RASAL2: variants seen among roughly 807,000 people sequenced by gnomAD.
RASAL2 encodes the protein ras GTPase-activating protein nGAP.
RASAL2 carries 58 observed loss-of-function variants against 128.9 expected under a neutral mutation model. The ratio of observed to expected loss-of-function variants is 0.45; its 90% confidence interval spans 0.36 to 0.56. RASAL2 has a LOEUF of 0.56. RASAL2 is among the 20% of genes least tolerant of loss of function. The pLI is 0.00. For synonymous variants in RASAL2, 561 were observed against 580.8 expected (o/e 0.97, Z 0.49); for missense variants, 1,360 against 1,601.6 (o/e 0.85, Z 2.57).
chr1:178,351,081 A>G (rs1571907889), intron 3 of RASAL2, among the ~76,000 whole-genome samples: 1 of 152,138 alleles, frequency 6.6e-6, no homozygotes, highest in African/African-American at 2.4e-5. Flanking sequence ...TTAAACAACC[A>G]GATCTCATGA....
chr1:178,136,758 A>G (rs1206674965), intron 1 of RASAL2, among the ~76,000 whole-genome samples: 2 of 15,038 alleles, frequency 1.3e-4, no homozygotes, highest in South Asian at 1.6e-3. Flanking sequence ...CTCTGTCTCA[A>G]AAAAAAAAAA....
rs560861631 is a variant in RASAL2, at chr1:178,272,180, A to G, written c.203-11384A>G. 1.1e-3 allele frequency among the ~76,000 whole-genome samples: 166 copies of G among 152,282 alleles called. 1 individual carries two copies. Among genetic ancestry groups the G allele is most frequent in the African/African-American group, 3.7e-3 (155 of 41,554 alleles). On this transcript the variant is annotated intron_variant, in intron 1 of 17. Coordinates refer to ENST00000367649, the MANE Select transcript of RASAL2 (RefSeq NM_170692.4). ...TCCAGTCACTAGATCCGTCTTGTTC[A>G]TTGTTATATCCCGAGGCTTGAGTAC...
At chr1:178,095,655 C>G (rs984250988) in intron 1 of RASAL2, among the ~76,000 whole-genome samples, 1 of 152,140 alleles carries the variant, frequency 6.6e-6, no homozygotes, top group Non-Finnish European at 1.5e-5. Flanking sequence ...ATGTTTTTTT[C>G]TTTCATCTTT....
intron 3 of RASAL2, 80 bp from the exon 4 acceptor site, chr1:178,390,020 A>C (rs957775350): frequency 1.2e-6 from 1 of 858,608 alleles, no homozygotes; most frequent in South Asian, 1.7e-5. Context: ...TATTGTGAAA[A>C]ACCAGTAACT....
chr1:178,104,202 G>C (rs962580458), intron 1 of RASAL2, among the ~76,000 whole-genome samples: 18 of 152,068 alleles, frequency 1.2e-4, no homozygotes, highest in African/African-American at 2.7e-4. Flanking sequence ...TGGCTTTCCA[G>C]TTGTCCTACC....
intron 17 of RASAL2, 137 bp from the exon 18 acceptor site, chr1:178,472,938 G>A (rs1261685487): frequency 3.1e-6 from 3 of 968,020 alleles, no homozygotes; most frequent in Non-Finnish European, 4.6e-6. Context: ...TGCAGAAAGA[G>A]GCAGAGACGT....
intron 4 of RASAL2, among the ~76,000 whole-genome samples, chr1:178,390,442 C>T (rs1188128324): frequency 2.6e-5 from 4 of 152,104 alleles, no homozygotes; most frequent in South Asian, 2.1e-4. Context: ...TGCAGTGGCG[C>T]GATAACACTC....
At chr1:178,348,041 C>T (rs918040369) in intron 3 of RASAL2, among the ~76,000 whole-genome samples, 1 of 152,154 alleles carries the variant, frequency 6.6e-6, no homozygotes, top group South Asian at 2.1e-4. Context: ...CATGAAAAGT[C>T]TCAAAAGAAT....
At chr1:178,355,377 G>A (rs1000613658) in intron 3 of RASAL2, among the ~76,000 whole-genome samples, 26 of 152,072 alleles carry the variant, frequency 1.7e-4, no homozygotes, top group African/African-American at 6.3e-4. Flanking sequence ...AGAGTGGTGG[G>A]GAAATTAAGA....
chr1:178,269,929 A>G (rs1481922770), intron 1 of RASAL2, among the ~76,000 whole-genome samples: 2 of 152,162 alleles, frequency 1.3e-5, no homozygotes, highest in Non-Finnish European at 2.9e-5. Flanking sequence ...CTTTCCTGTA[A>G]CACTCCAGTA....
At position 178,291,080 on chromosome 1, in the gene RASAL2, G is replaced by A. The variant is rs751748695; in HGVS notation, c.330+7389G>A. 3.7e-4 allele frequency among the ~76,000 whole-genome samples: 56 copies of A among 152,130 alleles called. 1 individual carries two copies. The highest frequency in any genetic ancestry group is 1.3e-4 in the Non-Finnish European group (9 of 68,012). On this transcript the variant is annotated intron_variant, in intron 2 of 17. Transcript: ENST00000367649. Reference sequence around the variant, plus strand: ...GAATGCCAAAAAAGTGTTTTACAGAGAAATTTATGCTTGGACTGTATCTTA... The same window carrying A: ...GAATGCCAAAAAAGTGTTTTACAGAAAAATTTATGCTTGGACTGTATCTTA...
chr1:178,120,200 C>T (rs1465397943), intron 1 of RASAL2, among the ~76,000 whole-genome samples: 1 of 152,174 alleles, frequency 6.6e-6, no homozygotes, highest in South Asian at 2.1e-4. Context: ...AAATATTGTA[C>T]AAAGTGGCTT....
At chr1:178,193,178 A>G (rs1426194820) in intron 1 of RASAL2, among the ~76,000 whole-genome samples, 2 of 152,188 alleles carry the variant, frequency 1.3e-5, no homozygotes, top group Non-Finnish European at 2.9e-5. Context: ...TCATGTGACA[A>G]TTACATCTGT....
chr1:178,188,651 A>G (rs1662391697), intron 1 of RASAL2, among the ~76,000 whole-genome samples: 1 of 152,162 alleles, frequency 6.6e-6, no homozygotes, highest in South Asian at 2.1e-4. Flanking sequence ...AGCATGTTCA[A>G]ATAAAACTTA....
At chr1:178,426,607 T>TA (rs899119812) in intron 5 of RASAL2, among the ~76,000 whole-genome samples, 1 of 145,562 alleles carries the variant, frequency 6.9e-6, no homozygotes, top group Admixed American at 7.0e-5. Flanking sequence ...TGCTAAGGTT[T>TA]AAAAAAAAAT....
chr1:178,251,247 A>C (rs531082784), intron 1 of RASAL2, among the ~76,000 whole-genome samples: 1 of 152,232 alleles, frequency 6.6e-6, no homozygotes, highest in African/African-American at 2.4e-5. Flanking sequence ...AATGCTTTAC[A>C]TCTGTGGGAG....
chr1:178,451,502 A>T (rs377059814), intron 9 of RASAL2, 69 bp from the exon 10 acceptor site: 1 of 1,469,178 alleles, frequency 6.8e-7, no homozygotes, highest in Admixed American at 2.2e-5. Context: ...GACAGAAATC[A>T]TAAGTCCTTT....
intron 17 of RASAL2, chr1:178,470,737 G>A (rs761870204): frequency 1.4e-5 from 19 of 1,364,876 alleles, no homozygotes; most frequent in Admixed American, 1.1e-4. Flanking sequence ...AGTAAACCCC[G>A]CGTCCGTTCT....
intron 1 of RASAL2, among the ~76,000 whole-genome samples, chr1:178,186,775 A>G (rs773599745): frequency 3.3e-5 from 5 of 151,638 alleles, no homozygotes; most frequent in Non-Finnish European, 5.9e-5. Flanking sequence ...TTTTAGTTCA[A>G]ATTTCAAAAA....
Sources: allele counts gnomAD v4.1 joint callset (sites outside exome capture counted in the v4.1 genomes callset), GRCh38; gene constraint gnomAD v4.1.1; transcripts MANE v1.5; gene names NCBI Gene and HGNC (gene_info 2026-07-23, HGNC 2026-07-21).